The following DENND1A variants were observed in gnomAD, a reference collection of about 807,000 sequenced individuals.
DENND1A encodes DENN domain-containing protein 1A.
A neutral mutation model predicts 113.7 loss-of-function variants in DENND1A; 51 were observed. The observed-to-expected ratio is 0.45, with a 90% CI of 0.36 to 0.57. The LOEUF is 0.57. DENND1A is among the 20% of genes least tolerant of loss of function. DENND1A has a pLI of 0.00. For synonymous variants in DENND1A, 565 were observed against 570.8 expected, an observed-to-expected ratio of 0.99 and a Z score of 0.14; for missense variants, 1,258 against 1,395.9, an observed-to-expected ratio of 0.90 and a Z score of 1.57.
intron 13 of DENND1A, among the ~76,000 whole-genome samples, chr9:123,534,770 G>A (rs1032087201): frequency 3.9e-5 from 6 of 152,198 alleles, no homozygotes; most frequent in Admixed American, 3.3e-4. Context: ...TAACTCTCCT[G>A]TGAAACGTCT....
At chr9:123,593,658 CT>C (rs1191249073) in intron 11 of DENND1A, among the ~76,000 whole-genome samples, 5 of 151,982 alleles carry the variant, frequency 3.3e-5, no homozygotes, top group Admixed American at 6.5e-5. Context: ...TTTTCTTTTT[CT>C]TTTTTTTAAA....
intron 1 of DENND1A, among the ~76,000 whole-genome samples, chr9:123,921,880 G>C (rs1032634497): frequency 6.7e-6 from 1 of 149,478 alleles, no homozygotes; most frequent in Non-Finnish European, 1.5e-5. Flanking sequence ...ACCAAGTCTT[G>C]TCATTTCTAC....
chr9:123,504,043 G>T (rs149159186), intron 13 of DENND1A, among the ~76,000 whole-genome samples: 1 of 152,310 alleles, frequency 6.6e-6, no homozygotes, highest in African/African-American at 2.4e-5. Context: ...CTATGATTCT[G>T]AGGTTTTTCA....
At chr9:123,775,233 A>G (rs534215696) in intron 3 of DENND1A, among the ~76,000 whole-genome samples, 1 of 152,370 alleles carries the variant, frequency 6.6e-6, no homozygotes, top group South Asian at 2.1e-4. Flanking sequence ...AAGATGAACA[A>G]ATGATTTGGT....
intron 19 of DENND1A, 134 bp from the exon 20 acceptor site, chr9:123,411,963 C>T (rs1460086144): frequency 9.9e-6 from 1 of 101,170 alleles, no homozygotes; most frequent in Non-Finnish European, 2.1e-5. Flanking sequence ...TCCTGCCTCG[C>T]CCCCACTGTC....
intron 7 of DENND1A, 115 bp downstream of exon 7, chr9:123,671,176 G>C (rs1564920394): frequency 3.6e-5 from 42 of 1,169,654 alleles, no homozygotes; most frequent in Middle Eastern, 2.8e-4. Context: ...AGAGTATTTG[G>C]GGGTAGGGTT....
intron 2 of DENND1A, among the ~76,000 whole-genome samples, chr9:123,852,042 T>A (rs1235421726): frequency 6.6e-6 from 1 of 152,078 alleles, no homozygotes; most frequent in Non-Finnish European, 1.5e-5. Context: ...CGCTATTGAG[T>A]GCTATGTGCT....
At chr9:123,916,351 T>G (rs1855124003) in intron 1 of DENND1A, among the ~76,000 whole-genome samples, 3 of 150,618 alleles carry the variant, frequency 2.0e-5, no homozygotes, top group Admixed American at 2.0e-4. Context: ...AGAGGAGATG[T>G]GAATATATCT....
chr9:123,746,471 T>C (rs887291472), intron 5 of DENND1A, among the ~76,000 whole-genome samples: 1 of 152,204 alleles, frequency 6.6e-6, no homozygotes, highest in African/African-American at 2.4e-5. Context: ...CCAAAACATA[T>C]GGGACCAGAA....
At chr9:123,413,398 A>G in intron 19 of DENND1A, 1 of 984,548 alleles carries the variant, frequency 1.0e-6, no homozygotes, top group East Asian at 1.1e-4. Context: ...TGAAGCTCCC[A>G]TTATGTTTTT....
intron 19 of DENND1A, among the ~76,000 whole-genome samples, chr9:123,419,549 C>A (rs1348456589): frequency 6.6e-6 from 1 of 152,246 alleles, no homozygotes; most frequent in South Asian, 2.1e-4. Flanking sequence ...CTAGTAGCCA[C>A]ATCAATGCTC....
chr9:123,497,826 A>G (rs964888065), intron 13 of DENND1A, among the ~76,000 whole-genome samples: 2 of 151,950 alleles, frequency 1.3e-5, no homozygotes, highest in Non-Finnish European at 2.9e-5. Context: ...AAAAAAAAAA[A>G]AAAAAGAAAA....
In DENND1A at chr9:123,382,419, C is replaced by T. The variant is rs1438129328; in HGVS notation, c.2226G>A (p.Leu742=). 4 of 1,605,560 alleles carry T rather than the reference C, an allele frequency of 2.5e-6. No individual in the cohort carries two copies. The highest frequency in any genetic ancestry group is 1.7e-6 in the Non-Finnish European group (2 of 1,175,662). The change falls in exon 24 of 24, where the codon CTG becomes CTA. Residue 742 remains leucine, a synonymous_variant. Coordinates refer to ENST00000394215, the MANE Select transcript of DENND1A (RefSeq NM_001352964.2). ...GCACCTCCTCCTTGTCACTGGGGTT[C>T]AGGATGCTGTCCCGGTTCTGGGGCC... is the stretch of plus-strand genomic sequence containing the variant. ...PRRPQNRDSI[L]NPSDKEEVPT...
At chr9:123,452,124 G>C in intron 17 of DENND1A, 152 bp downstream of exon 17, 1 of 677,904 alleles carries the variant, frequency 1.5e-6, no homozygotes, top group Non-Finnish European at 2.6e-6. Context: ...AGCCCTGGAG[G>C]TCAAGGCCTC....
chr9:123,674,340 T>TCACACACACACACA (rs1160130484), intron 6 of DENND1A, among the ~76,000 whole-genome samples: 2 of 127,738 alleles, frequency 1.6e-5, no homozygotes, highest in African/African-American at 6.3e-5. Context: ...TCTGTCTCTC[T>TCACACACACACACA]CTCACACACA....
At chr9:123,639,278 A>G (rs1224718183) in intron 9 of DENND1A, among the ~76,000 whole-genome samples, 3 of 151,440 alleles carry the variant, frequency 2.0e-5, no homozygotes, top group Non-Finnish European at 4.4e-5. Flanking sequence ...TCTCTACCAA[A>G]AAATACAAAA....
At chr9:123,719,685 T>C (rs756464422) in intron 5 of DENND1A, among the ~76,000 whole-genome samples, 8 of 152,212 alleles carry the variant, frequency 5.3e-5, no homozygotes, top group Non-Finnish European at 8.8e-5. Flanking sequence ...AAGATAATCC[T>C]GAGGATGGGA....
chr9:123,756,802 C>T (rs530331938), intron 5 of DENND1A, among the ~76,000 whole-genome samples: 7 of 152,184 alleles, frequency 4.6e-5, no homozygotes, highest in Admixed American at 1.3e-4. Flanking sequence ...AGACTAGTGC[C>T]GCAGAGAGCT....
intron 5 of DENND1A, among the ~76,000 whole-genome samples, chr9:123,722,790 C>A (rs1465542822): frequency 6.6e-6 from 1 of 152,252 alleles, no homozygotes; most frequent in Admixed American, 6.5e-5. Context: ...GATGCCCAGG[C>A]AGAAGTTTGC....
Sources: allele counts gnomAD v4.1 joint callset (sites outside exome capture counted in the v4.1 genomes callset), GRCh38; gene constraint gnomAD v4.1.1; transcripts MANE v1.5; gene names NCBI Gene and HGNC (gene_info 2026-07-23, HGNC 2026-07-21).